The following ZFHX3 variants were observed in gnomAD, a reference collection of about 807,000 sequenced individuals.
ZFHX3 encodes the protein zinc finger homeobox protein 3.
ZFHX3 carries 42 observed loss-of-function variants against 279.1 expected under a neutral mutation model. That is an observed-to-expected ratio of 0.15 (90% confidence interval 0.12 to 0.19). The LOEUF is 0.19. Among genes scored for constraint, ZFHX3 ranks in the 10% least tolerant of loss-of-function variants. The pLI, the probability that ZFHX3 is intolerant of heterozygous loss-of-function variation, is 1.00. For synonymous variants in ZFHX3, 2,293 were observed against 1,957.8 expected, an observed-to-expected ratio of 1.17 and a Z score of -4.52; for missense variants, 4,981 against 4,754.0, an observed-to-expected ratio of 1.05 and a Z score of -1.40.
chr16:72,907,869 A>G (rs919839416), intron 3 of ZFHX3, among the ~76,000 whole-genome samples: 2 of 151,790 alleles, frequency 1.3e-5, no homozygotes, highest in African/African-American at 4.8e-5. Context: ...TTTTTAGTAG[A>G]GATGGGGTCT....
Position 72,951,275 on chromosome 16 carries a change from T to C in ZFHX3, c.2720-310A>G, listed in dbSNP as rs112710756. 8.9e-3 allele frequency among the ~76,000 whole-genome samples: 1,359 copies of C among 152,138 alleles called. 21 individuals are homozygous for C. Among genetic ancestry groups the C allele is most frequent in the African/African-American group, 0.031 (1,272 of 41,500 alleles). On this transcript the variant is annotated intron_variant, in intron 2 of 9. Coordinates refer to ENST00000268489, the MANE Select transcript of ZFHX3 (RefSeq NM_006885.4). ...TAATATTTCCTTTTCTTTTTTTTTTTCCCGAGATGGAGTCTTGCCCTGTTG... is the reference window on the plus strand; with the variant it reads ...TAATATTTCCTTTTCTTTTTTTTTTCCCCGAGATGGAGTCTTGCCCTGTTG...
At chr16:73,758,788 A>G (rs1035880658) in intron 1 of ZFHX3, among the ~76,000 whole-genome samples, 4 of 152,106 alleles carry the variant, frequency 2.6e-5, no homozygotes, top group African/African-American at 9.7e-5. Context: ...TTATTTATGC[A>G]TTTGCTTAGT....
At chr16:72,872,687 G>A (rs1000169304) in intron 4 of ZFHX3, among the ~76,000 whole-genome samples, 1 of 152,168 alleles carries the variant, frequency 6.6e-6, no homozygotes, top group African/African-American at 2.4e-5. Context: ...TCAAACTCCT[G>A]ACCTCAAGTG....
At chr16:73,788,332 T>G (rs926289368) in intron 1 of ZFHX3, among the ~76,000 whole-genome samples, 1 of 152,192 alleles carries the variant, frequency 6.6e-6, no homozygotes, top group Non-Finnish European at 1.5e-5. Flanking sequence ...GGTCATCCCC[T>G]GGGCTTGGAG....
At chr16:73,299,016 G>C (rs1334157788) in intron 4 of ZFHX3, among the ~76,000 whole-genome samples, 4 of 152,282 alleles carry the variant, frequency 2.6e-5, no homozygotes, top group Non-Finnish European at 5.9e-5. Context: ...CCAGAAAAGG[G>C]TGTTCTTACT....
intron 4 of ZFHX3, among the ~76,000 whole-genome samples, chr16:72,874,280 C>G (rs981640667): frequency 5.5e-5 from 8 of 145,622 alleles, no homozygotes; most frequent in African/African-American, 2.1e-4. Context: ...AATCTCGGCT[C>G]GCTGCAAACT....
intron 3 of ZFHX3, among the ~76,000 whole-genome samples, chr16:73,379,574 G>A (rs941974102): frequency 1.3e-5 from 2 of 152,180 alleles, no homozygotes; most frequent in Admixed American, 1.3e-4. Flanking sequence ...AATGTGTATA[G>A]AGTATGCAAA....
At chr16:73,107,843 C>T (rs1442671324) in intron 7 of ZFHX3, among the ~76,000 whole-genome samples, 2 of 152,142 alleles carry the variant, frequency 1.3e-5, no homozygotes, top group African/African-American at 4.8e-5. Context: ...AGTGAGACTT[C>T]GTCTCTACAG....
chr16:72,944,914 C>A (rs2144362862), intron 3 of ZFHX3, among the ~76,000 whole-genome samples: 1 of 151,896 alleles, frequency 6.6e-6, no homozygotes, highest in Non-Finnish European at 1.5e-5. Flanking sequence ...TTAATGGTTG[C>A]AAAACTGGTT....
chr16:73,596,501 C>G (rs1016665371), intron 2 of ZFHX3, among the ~76,000 whole-genome samples: 19 of 152,260 alleles, frequency 1.2e-4, no homozygotes, highest in Middle Eastern at 3.4e-3. Flanking sequence ...ACCCACCACT[C>G]TTCCTCCTGC....
At chr16:73,701,801 TTAATA>T (rs1432738608) in intron 1 of ZFHX3, among the ~76,000 whole-genome samples, 9 of 152,010 alleles carry the variant, frequency 5.9e-5, no homozygotes, top group Admixed American at 1.3e-4. Context: ...GTCTTATAAT[TTAATA>T]TAAGAGGTAA....
At chr16:73,192,178 G>A (rs900167796) in intron 5 of ZFHX3, among the ~76,000 whole-genome samples, 6 of 152,098 alleles carry the variant, frequency 3.9e-5, no homozygotes, top group African/African-American at 1.4e-4. Flanking sequence ...CAGCCCCTGG[G>A]ATCAGATGTC....
At chr16:73,642,071 TTAAAGA>T (rs2052578162) in intron 2 of ZFHX3, among the ~76,000 whole-genome samples, 1 of 152,130 alleles carries the variant, frequency 6.6e-6, no homozygotes. Flanking sequence ...AGGCAGCTGC[TTAAAGA>T]GGGAAGGTGG....
At chr16:73,736,670 C>T (rs1597088527) in intron 1 of ZFHX3, among the ~76,000 whole-genome samples, 1 of 152,192 alleles carries the variant, frequency 6.6e-6, no homozygotes, top group African/African-American at 2.4e-5. Context: ...GAGTCTCTGG[C>T]TCCCTTGCAA....
At chr16:73,250,592 G>C (rs1181625764) in intron 5 of ZFHX3, among the ~76,000 whole-genome samples, 1 of 152,050 alleles carries the variant, frequency 6.6e-6, no homozygotes, top group Non-Finnish European at 1.5e-5. Context: ...GGGGTGCAGG[G>C]GTGCGATCTT....
intron 2 of ZFHX3, among the ~76,000 whole-genome samples, chr16:73,529,493 C>T (rs757463283): frequency 5.9e-5 from 9 of 152,130 alleles, no homozygotes; most frequent in Non-Finnish European, 1.0e-4. Flanking sequence ...GGCAGGTCCC[C>T]GGCAGCAGTG....
intron 1 of ZFHX3, among the ~76,000 whole-genome samples, chr16:72,992,780 G>A (rs1461198728): frequency 6.6e-6 from 1 of 152,236 alleles, no homozygotes; most frequent in Admixed American, 6.5e-5. Context: ...GTGGATGGCC[G>A]TGCACACGAA....
intron 4 of ZFHX3, among the ~76,000 whole-genome samples, chr16:72,841,581 T>C (rs189579751): frequency 6.6e-6 from 1 of 152,300 alleles, no homozygotes; most frequent in Non-Finnish European, 1.5e-5. Context: ...AACGGTCTTT[T>C]GCTAGGGTTT....
At chr16:73,872,016 C>T (rs1346546028) in intron 1 of ZFHX3, among the ~76,000 whole-genome samples, 1 of 152,168 alleles carries the variant, frequency 6.6e-6, no homozygotes, top group East Asian at 1.9e-4. Flanking sequence ...ATAGGTCTAA[C>T]TGTAAGATTG....
Sources: gnomAD v4.1 joint callset for allele counts (sites outside exome capture counted in the v4.1 genomes callset) on GRCh38, gnomAD v4.1.1 for gene constraint, MANE v1.5 for transcripts, NCBI Gene and HGNC (gene_info 2026-07-23, HGNC 2026-07-21) for gene names.